RGS10: variants seen among roughly 807,000 people sequenced by gnomAD.
RGS10 encodes regulator of G-protein signalling 10.
Under a neutral mutation model 23.5 loss-of-function variants are expected in RGS10, and 11 were observed. The observed-to-expected ratio is 0.47, with a 90% CI of 0.29 to 0.77. The LOEUF (loss-of-function observed/expected upper bound fraction) is 0.77. Ranked by LOEUF, RGS10 falls within the 30% of genes least tolerant of loss-of-function variation. The pLI, the probability that RGS10 is intolerant of heterozygous loss-of-function variation, is 0.08. For missense variants in RGS10, 180 were observed against 226.3 expected (o/e 0.80, Z 1.31); for synonymous variants, 77 against 83.2 (o/e 0.92, Z 0.41).
At position 119,542,674 on chromosome 10, in the gene RGS10, C is replaced by T; in HGVS notation, c.-36G>A. 7.5e-7 allele frequency: 1 copy of T among 1,336,116 alleles called. No homozygotes were observed. Among genetic ancestry groups the T allele is most frequent in the Non-Finnish European group, 9.6e-7 (1 of 1,043,708 alleles). The allele number at this position is 1,336,116 out of a possible 1,614,324, so 82.8% of individuals were successfully genotyped here. Reference sequence around the variant, plus strand: ...GCCCGAGGAGGAAGAAGGAGCAGCCCGGCGGCGCGGCGGCTGAGCCGGAGG... The same window carrying T: ...GCCCGAGGAGGAAGAAGGAGCAGCCTGGCGGCGCGGCGGCTGAGCCGGAGG... On this transcript the variant is annotated 5_prime_UTR_variant, in exon 1 of 5. Transcript: ENST00000369103.
rs143891887 is a variant in RGS10 at position 119,513,510 on chromosome 10, GA to G, written c.399+1998del. On this transcript the variant is annotated intron_variant, in intron 4 of 4. Coordinates refer to ENST00000369103, the MANE Select transcript of RGS10 (RefSeq NM_001005339.2). ...AATAAAATTCTTTGTCATTAAAAAA[GA>G]AAAAAAAAACAATCAGCCTCTGTCC... Among the ~76,000 whole-genome samples the G allele has an allele frequency of 6.0e-4, 88 of 147,420 alleles. No homozygotes were observed. In the East Asian group the frequency reaches 0.012, roughly 21 times the overall value.
intron 4 of RGS10, among the ~76,000 whole-genome samples, chr10:119,512,789 C>G (rs1844094001): frequency 6.6e-6 from 1 of 152,236 alleles, no homozygotes; most frequent in African/African-American, 2.4e-5. Flanking sequence ...CTCAGGTGAT[C>G]CACACGCCTT....
rs143847307 is a variant in RGS10, at chr10:119,526,123, G to A, written c.169-5C>T. ...GAATTCCTTTTTTAAAAATTCCTGT[G>A]GATACAAAGAAAAAGAGTCACACAG... On this transcript the variant is annotated splice_region_variant and splice_polypyrimidine_tract_variant and intron_variant, in intron 2 of 4. Coordinates refer to ENST00000369103, the MANE Select transcript of RGS10 (RefSeq NM_001005339.2). 6 of 1,452,632 alleles carry A rather than the reference G, an allele frequency of 4.1e-6. No homozygotes were observed. The highest frequency in any genetic ancestry group is 1.4e-5 in the African/African-American group (1 of 70,472). The allele number at this position is 1,452,632 out of a possible 1,614,324, so 90.0% of individuals were successfully genotyped here.
Position 119,517,267 on chromosome 10 carries a change from G to A in RGS10, c.256-1615C>T, listed in dbSNP as rs1286690858. Reference sequence around the variant, plus strand: ...GAGAAAGCAAGCCTCACCAGCACTTGCAGGGAGACGGCCCAGGTTGGGTGA... The same window carrying A: ...GAGAAAGCAAGCCTCACCAGCACTTACAGGGAGACGGCCCAGGTTGGGTGA... On this transcript the variant is annotated intron_variant, in intron 3 of 4. Coordinates refer to ENST00000369103, the MANE Select transcript of RGS10 (RefSeq NM_001005339.2). This position sits in a 1 kb window ranked among gnomAD's most constrained non-coding sequence, Gnocchi z 5.0. Among the ~76,000 whole-genome samples, 3 of 152,244 alleles carry A rather than the reference G, an allele frequency of 2.0e-5. No homozygotes were observed. Among genetic ancestry groups the A allele is most frequent in the Non-Finnish European group, 4.4e-5 (3 of 68,048 alleles).
intron 1 of RGS10, chr10:119,536,674 G>T: frequency 1.7e-6 from 1 of 580,574 alleles, no homozygotes; most frequent in Non-Finnish European, 3.0e-6. Flanking sequence ...AAGGAAATAA[G>T]AACGCCAAAC....
chr10:119,522,239 A>C (rs1393086054), intron 3 of RGS10, among the ~76,000 whole-genome samples: 2 of 152,238 alleles, frequency 1.3e-5, no homozygotes, highest in African/African-American at 4.8e-5. Context: ...AATGCTGGAT[A>C]ATCCACGTCA....
At chr10:119,503,428 T>A (rs976286290) in intron 4 of RGS10, among the ~76,000 whole-genome samples, 1 of 151,844 alleles carries the variant, frequency 6.6e-6, no homozygotes, top group African/African-American at 2.4e-5. Context: ...CAGAGCCTCA[T>A]CTATCACAGG....
chr10:119,514,154 G>T (rs61874688), intron 4 of RGS10, among the ~76,000 whole-genome samples: 1 of 151,926 alleles, frequency 6.6e-6, no homozygotes. Flanking sequence ...CCAGGAGTTC[G>T]GGACCAGCCT....
At chr10:119,514,620 T>C (rs1378534385) in intron 4 of RGS10, among the ~76,000 whole-genome samples, 4 of 146,458 alleles carry the variant, frequency 2.7e-5, no homozygotes, top group African/African-American at 1.0e-4. Context: ...ATCAAGCCAC[T>C]GCACTCCATC....
At chr10:119,531,710 T>C (rs1406993485) in intron 1 of RGS10, among the ~76,000 whole-genome samples, 1 of 152,158 alleles carries the variant, frequency 6.6e-6, no homozygotes, top group Non-Finnish European at 1.5e-5. Context: ...GTGATGCAGC[T>C]AATGAATCAC....
chr10:119,523,334 G>A lies in RGS10; in HGVS notation c.255+2698C>T, dbSNP rs180721970. 5.6e-4 allele frequency among the ~76,000 whole-genome samples: 86 copies of A among 152,226 alleles called. 1 individual carries two copies. The highest frequency in any genetic ancestry group is 1.7e-3 in the African/African-American group (71 of 41,520). ...CATTCATTGCTCTAAAGCAATTGCC[G>A]GGTGCATTCCAGGCTTAAGGACACA... On this transcript the variant is annotated intron_variant, in intron 3 of 4. Transcript: ENST00000369103.
intron 4 of RGS10, among the ~76,000 whole-genome samples, chr10:119,511,959 T>C (rs967033805): frequency 6.6e-6 from 1 of 152,190 alleles, no homozygotes; most frequent in Non-Finnish European, 1.5e-5. Context: ...AAACCAAGAA[T>C]AAACAGGACC....
At chr10:119,535,113 A>G (rs1231294796) in intron 1 of RGS10, among the ~76,000 whole-genome samples, 1 of 152,084 alleles carries the variant, frequency 6.6e-6, no homozygotes, top group Non-Finnish European at 1.5e-5. Flanking sequence ...CCTGCTCCAG[A>G]GTACACGCTC....
intron 4 of RGS10, among the ~76,000 whole-genome samples, chr10:119,503,652 G>A (rs912597676): frequency 6.6e-6 from 1 of 152,182 alleles, no homozygotes; most frequent in African/African-American, 2.4e-5. Context: ...GAAGAAACGA[G>A]GGGCTTAGGG....
intron 1 of RGS10, among the ~76,000 whole-genome samples, chr10:119,528,219 C>T (rs558132782): frequency 1.4e-4 from 21 of 152,074 alleles, no homozygotes; most frequent in African/African-American, 4.1e-4. Flanking sequence ...TTAATAGAGA[C>T]GGGGTTTTAC....
intron 4 of RGS10, among the ~76,000 whole-genome samples, chr10:119,512,373 G>C (rs1381758806): frequency 6.6e-6 from 1 of 152,092 alleles, no homozygotes; most frequent in Non-Finnish European, 1.5e-5. Context: ...TGCTGAGCAC[G>C]CATTTTGACA....
rs1406339382 is a variant in RGS10, at chr10:119,499,927, C to A, written c.*186G>T. 2.4e-5 allele frequency: 13 copies of A among 538,642 alleles called. No individual in the cohort carries two copies. Among genetic ancestry groups the A allele is most frequent in the East Asian group, 3.2e-5 (1 of 31,712 alleles). The allele number at this position is 538,642 out of a possible 1,614,324, so 33.4% of individuals were successfully genotyped here. ...CTAAAACTTCCAAGTTATTATTATTCTTTTTTTATGTTAGCTTAGCCATCA... is the reference window on the plus strand; with the variant it reads ...CTAAAACTTCCAAGTTATTATTATTATTTTTTTATGTTAGCTTAGCCATCA... On this transcript the variant is annotated 3_prime_UTR_variant, in exon 5 of 5. Transcript: ENST00000369103.
intron 1 of RGS10, among the ~76,000 whole-genome samples, chr10:119,528,395 C>A (rs1477426126): frequency 6.6e-6 from 1 of 152,108 alleles, no homozygotes; most frequent in Non-Finnish European, 1.5e-5. Context: ...AACAAAATAC[C>A]CAAATTTTAA....
chr10:119,518,310 G>T (rs1038320320), intron 3 of RGS10, among the ~76,000 whole-genome samples: 3 of 152,168 alleles, frequency 2.0e-5, no homozygotes, highest in Non-Finnish European at 4.4e-5. Flanking sequence ...TGTCCTGGCA[G>T]GTGCTGGAGA....
Sources: gnomAD v4.1 joint callset for allele counts (sites outside exome capture counted in the v4.1 genomes callset) on GRCh38, gnomAD v4.1.1 for gene constraint, Gnocchi (gnomAD v3.1) non-coding constraint, MANE v1.5 for transcripts, NCBI Gene and HGNC (gene_info 2026-07-23, HGNC 2026-07-21) for gene names.